Variants in PCDH9 observed in about 807,000 individuals in gnomAD.
The protein encoded by PCDH9 is protocadherin 9.
A neutral mutation model predicts 70.6 loss-of-function variants in PCDH9; 24 were observed. The observed-to-expected ratio is 0.34, with a 90% CI of 0.25 to 0.48. The LOEUF (loss-of-function observed/expected upper bound fraction) is 0.48, where lower values mean the gene tolerates loss of function less well. PCDH9 is among the 20% of genes least tolerant of loss of function. The probability of loss-of-function intolerance (pLI) is 0.99; values close to 1 mark genes in which losing one functional copy is unlikely to be tolerated. For missense variants in PCDH9, 1,281 were observed against 1,503.6 expected (o/e 0.85, Z 2.45); for synonymous variants, 562 against 558.5 (o/e 1.01, Z -0.09).
chr13:66,643,919 C>A (rs1485087959), intron 3 of PCDH9, among the ~76,000 whole-genome samples: 1 of 151,910 alleles, frequency 6.6e-6, no homozygotes, highest in Non-Finnish European at 1.5e-5. Context: ...AAAACATGTA[C>A]AAAATTTCCC....
intron 3 of PCDH9, among the ~76,000 whole-genome samples, chr13:66,650,483 A>G (rs1457933366): frequency 6.6e-6 from 1 of 151,976 alleles, no homozygotes; most frequent in African/African-American, 2.4e-5. Flanking sequence ...TAAAACAAAT[A>G]TTATTACAGC....
At chr13:66,951,863 C>T (rs939554000) in intron 2 of PCDH9, among the ~76,000 whole-genome samples, 15 of 152,096 alleles carry the variant, frequency 9.9e-5, no homozygotes, top group Admixed American at 2.6e-4. Context: ...TAAGTGCCTG[C>T]GGGGATCTAG....
At chr13:66,654,409 C>A (rs1045021754) in intron 3 of PCDH9, among the ~76,000 whole-genome samples, 1 of 151,626 alleles carries the variant, frequency 6.6e-6, no homozygotes, top group Non-Finnish European at 1.5e-5. Flanking sequence ...TTCCATAGCA[C>A]AACAGGGAAA....
intron 2 of PCDH9, among the ~76,000 whole-genome samples, chr13:66,955,762 C>A (rs186583515): frequency 6.6e-6 from 1 of 152,026 alleles, no homozygotes; most frequent in African/African-American, 2.4e-5. Flanking sequence ...GGAGAAATTG[C>A]GTTTGTTATG....
chr13:66,622,242 C>T (rs1340902294), intron 4 of PCDH9, among the ~76,000 whole-genome samples: 1 of 152,222 alleles, frequency 6.6e-6, no homozygotes, highest in Non-Finnish European at 1.5e-5. Context: ...GCTCCGTGGG[C>T]TCCTGTGCGG....
chr13:67,090,617 C>G (rs996353745), intron 2 of PCDH9, among the ~76,000 whole-genome samples: 14 of 151,412 alleles, frequency 9.2e-5, no homozygotes, highest in Admixed American at 3.3e-4. Flanking sequence ...CTAACAATTA[C>G]CAGCTACAAG....
chr13:67,138,758 C>G (rs1306671757), intron 2 of PCDH9, among the ~76,000 whole-genome samples: 2 of 152,090 alleles, frequency 1.3e-5, no homozygotes, highest in Non-Finnish European at 2.9e-5. Flanking sequence ...ATTCTTTGTT[C>G]AAGACACCAA....
chr13:66,526,824 G>T (rs181272213), intron 4 of PCDH9, among the ~76,000 whole-genome samples: 87 of 152,210 alleles, frequency 5.7e-4, no homozygotes, highest in African/African-American at 1.9e-3. Context: ...GTAAATAAGA[G>T]AACTTTGTAT....
intron 4 of PCDH9, among the ~76,000 whole-genome samples, chr13:66,622,039 G>C (rs1331713219): frequency 6.6e-6 from 1 of 152,212 alleles, no homozygotes; most frequent in Non-Finnish European, 1.5e-5. Flanking sequence ...CCCCGCACTC[G>C]GAGCAGCCGG....
chr13:66,841,321 A>G (rs958494227), intron 3 of PCDH9, among the ~76,000 whole-genome samples: 1 of 152,156 alleles, frequency 6.6e-6, no homozygotes, highest in Non-Finnish European at 1.5e-5. Context: ...TTCTACTACT[A>G]TGTGTACTCC....
At chr13:66,359,413 G>C (rs1346901916) in intron 4 of PCDH9, among the ~76,000 whole-genome samples, 1 of 151,802 alleles carries the variant, frequency 6.6e-6, no homozygotes, top group East Asian at 1.9e-4. Flanking sequence ...GGTGGGTGCC[G>C]GTTGTTTTTT....
chr13:66,987,321 G>A lies in PCDH9; in HGVS notation c.3037-83716C>T, dbSNP rs539661720. ...AGCATCCATGTGAAATGTCTGTAGA[G>A]CCCAGCTTCCTTGCCTGTTTATAAA... On this transcript the variant is annotated intron_variant, in intron 2 of 4. Transcript: ENST00000377865. Among the ~76,000 whole-genome samples, 416 of 152,118 alleles carry A rather than the reference G, an allele frequency of 2.7e-3. 1 individual carries two copies. The highest frequency in any genetic ancestry group is 4.8e-3 in the Non-Finnish European group (325 of 67,932).
At chr13:66,661,301 T>C (rs2078005246) in intron 3 of PCDH9, among the ~76,000 whole-genome samples, 1 of 152,230 alleles carries the variant, frequency 6.6e-6, no homozygotes, top group East Asian at 1.9e-4. Context: ...GTTCTAGTGC[T>C]AGGAGGATGA....
At chr13:66,314,243 G>A (rs1046300881) in intron 4 of PCDH9, among the ~76,000 whole-genome samples, 3 of 152,136 alleles carry the variant, frequency 2.0e-5, no homozygotes, top group Non-Finnish European at 2.9e-5. Context: ...CTTTCCCAGT[G>A]GTCTAAACTA....
At chr13:67,144,208 T>G (rs576264895) in intron 2 of PCDH9, among the ~76,000 whole-genome samples, 5 of 152,198 alleles carry the variant, frequency 3.3e-5, no homozygotes, top group Non-Finnish European at 7.3e-5. Context: ...TAATTTGCTT[T>G]AATGATGGCG....
chr13:67,024,013 T>C (rs2084730654), intron 2 of PCDH9, among the ~76,000 whole-genome samples: 1 of 151,016 alleles, frequency 6.6e-6, no homozygotes, highest in Admixed American at 6.6e-5. Flanking sequence ...AGAGGAGAAA[T>C]AGTAACAACA....
chr13:66,720,462 C>G (rs558474371), intron 3 of PCDH9, among the ~76,000 whole-genome samples: 1 of 151,464 alleles, frequency 6.6e-6, no homozygotes, highest in South Asian at 2.1e-4. Context: ...CATGCCCAGC[C>G]TCATTTCCTA....
In PCDH9 at chr13:67,225,918, T is replaced by C. The variant is rs777649209; in HGVS notation, c.2523A>G (p.Ala841=). ...TCCTCTGAGCTGCTTTGAACCTTGA[T>C]GCATGGCGACAGCGCACCAGAACGG... ...FVTVLVRCRH[A]SRFKAAQRSK... is the part of the protein sequence containing the mutation. The change falls in exon 2 of 5, where the codon GCA becomes GCG. Residue 841 remains alanine (A), a synonymous_variant. Transcript: ENST00000377865. The C allele has an allele frequency of 2.5e-6, 4 of 1,614,016 alleles. No homozygotes were observed. In the African/African-American group the frequency reaches 4.0e-5, roughly 16 times the overall value.
chr13:66,712,960 A>G (rs145160388), intron 3 of PCDH9, among the ~76,000 whole-genome samples: 19 of 152,326 alleles, frequency 1.2e-4, no homozygotes, highest in African/African-American at 4.1e-4. Flanking sequence ...TAGATCATCC[A>G]ACAACTTGAG....
Sources: gnomAD v4.1 joint callset for allele counts (sites outside exome capture counted in the v4.1 genomes callset) on GRCh38, gnomAD v4.1.1 for gene constraint, MANE v1.5 for transcripts, NCBI Gene and HGNC (gene_info 2026-07-23, HGNC 2026-07-21) for gene names.